The following RPRD2 variants were observed in gnomAD, a reference collection of about 807,000 sequenced individuals.
RPRD2 encodes the protein regulation of nuclear pre-mRNA domain containing 2.
RPRD2 carries 12 observed loss-of-function variants against 104.4 expected under a neutral mutation model. The ratio of observed to expected loss-of-function variants is 0.11; its 90% CI spans 0.07 to 0.19. The LOEUF is 0.19. RPRD2 is among the 10% of genes least tolerant of loss of function. The pLI, the probability that RPRD2 is intolerant of heterozygous loss-of-function variation, is 1.00. For synonymous variants in RPRD2, 714 were observed against 684.9 expected, an observed-to-expected ratio of 1.04 and a Z score of -0.66; for missense variants, 1,543 against 1,790.1, an observed-to-expected ratio of 0.86 and a Z score of 2.49.
intron 1 of RPRD2, among the ~76,000 whole-genome samples, chr1:150,413,285 TAGAAAA>T (rs1360928143): frequency 5.9e-5 from 9 of 151,896 alleles, no homozygotes; most frequent in African/African-American, 9.7e-5. Flanking sequence ...TAGTAACAGA[TAGAAAA>T]AGAGGAAGAT....
At chr1:150,410,022 T>G (rs1167138192) in intron 1 of RPRD2, among the ~76,000 whole-genome samples, 1 of 152,050 alleles carries the variant, frequency 6.6e-6, no homozygotes, top group Non-Finnish European at 1.5e-5. Flanking sequence ...TTAAAGGTGG[T>G]GATTGAACGA....
chr1:150,391,630 G>A (rs186462038), intron 1 of RPRD2, among the ~76,000 whole-genome samples: 58 of 152,342 alleles, frequency 3.8e-4, no homozygotes, highest in African/African-American at 1.3e-3. Flanking sequence ...AGGACAGGCC[G>A]GGATCAGTGG....
chr1:150,379,434 C>T (rs1553880292), intron 1 of RPRD2, among the ~76,000 whole-genome samples: 22 of 150,600 alleles, frequency 1.5e-4, no homozygotes. Context: ...CCGAGTTTTG[C>T]TTTTGTTACC....
chr1:150,393,264 G>A (rs1326979049), intron 1 of RPRD2, among the ~76,000 whole-genome samples: 1 of 151,654 alleles, frequency 6.6e-6, no homozygotes, highest in Non-Finnish European at 1.5e-5. Context: ...GAGCCCAGAA[G>A]TTCAAGACCA....
chr1:150,419,830 G>A (rs1664634978), intron 2 of RPRD2, among the ~76,000 whole-genome samples: 4 of 152,128 alleles, frequency 2.6e-5, no homozygotes, highest in Admixed American at 2.6e-4. Context: ...GTTTCTCCAT[G>A]TTGGTCAGGC....
intron 1 of RPRD2, among the ~76,000 whole-genome samples, chr1:150,394,294 C>CG (rs2102190530): frequency 6.6e-6 from 1 of 152,210 alleles, no homozygotes; most frequent in African/African-American, 2.4e-5. Flanking sequence ...GGGTGATCCG[C>CG]CCGCCTCAGC....
chr1:150,420,970 T>C (rs1664719088), intron 2 of RPRD2, among the ~76,000 whole-genome samples: 1 of 152,248 alleles, frequency 6.6e-6, no homozygotes, highest in African/African-American at 2.4e-5. Flanking sequence ...TTTAGGCTTT[T>C]TGAGCCATAG....
intron 1 of RPRD2, among the ~76,000 whole-genome samples, chr1:150,411,788 C>CAAAAAAAAAAA (rs71086508): frequency 2.8e-5 from 2 of 70,730 alleles, no homozygotes; most frequent in African/African-American, 1.8e-4. Context: ...TAGACTGTCT[C>CAAAAAAAAAAA]AAAAAAAAAA....
In RPRD2 at chr1:150,440,408, T is replaced by G. The variant is rs587641112; in HGVS notation, c.336-515T>G. Among the ~76,000 whole-genome samples the G allele has an allele frequency of 2.0e-5, 3 of 152,326 alleles. No individual in the cohort carries two copies. The South Asian group carries it at 6.2e-4, about 32-fold the overall frequency. On this transcript the variant is annotated intron_variant, in intron 2 of 10. Transcript: ENST00000369068. ...TAGGTAGCCAACTTGAACCTGAAGC[T>G]CATCTGTGAACCAAACAGAATAAAC...
At chr1:150,378,158 T>A (rs587736857) in intron 1 of RPRD2, among the ~76,000 whole-genome samples, 1 of 151,610 alleles carries the variant, frequency 6.6e-6, no homozygotes, top group African/African-American at 2.4e-5. Flanking sequence ...AACATAACAC[T>A]AATAGTTTAG....
intron 1 of RPRD2, among the ~76,000 whole-genome samples, chr1:150,393,469 A>C (rs1168975814): frequency 6.6e-6 from 1 of 151,824 alleles, no homozygotes; most frequent in African/African-American, 2.4e-5. Context: ...AAAAAAAAAA[A>C]AAAAAAAACC....
chr1:150,443,117 T>G, intron 4 of RPRD2, 114 bp from the exon 5 acceptor site: 1 of 653,412 alleles, frequency 1.5e-6, no homozygotes, highest in Non-Finnish European at 2.7e-6. Context: ...ATGACTTAAA[T>G]GTGCATGTTT....
chr1:150,409,931 T>C (rs587642134), intron 1 of RPRD2, among the ~76,000 whole-genome samples: 1 of 152,162 alleles, frequency 6.6e-6, no homozygotes, highest in East Asian at 1.9e-4. Context: ...AGGCGTGAGC[T>C]ACCGCACCTG....
chr1:150,379,053 C>G (rs1660928922), intron 1 of RPRD2, among the ~76,000 whole-genome samples: 1 of 145,692 alleles, frequency 6.9e-6, no homozygotes, highest in Non-Finnish European at 1.5e-5. Flanking sequence ...GAGGCCCGAG[C>G]AGACAGATCA....
intron 9 of RPRD2, among the ~76,000 whole-genome samples, chr1:150,462,898 G>A (rs1553899124): frequency 6.6e-6 from 1 of 151,996 alleles, no homozygotes; most frequent in Non-Finnish European, 1.5e-5. Context: ...CCATCACCCA[G>A]GCTGGAGTGC....
chr1:150,457,927 C>T lies in RPRD2; in HGVS notation c.1153+357C>T, dbSNP rs1184656115. On this transcript the variant is annotated intron_variant, in intron 8 of 10. Transcript: ENST00000369068. ...CTCTACTAAAAATACAAAACTTATC[C>T]GGGTATGGTGGCAGGTACCTGTAAT... 5.3e-5 allele frequency among the ~76,000 whole-genome samples: 8 copies of T among 152,016 alleles called. No homozygotes were observed. The East Asian group carries it at 7.7e-4, about 15-fold the overall frequency.
chr1:150,392,460 G>A lies in RPRD2; in HGVS notation c.206-25136G>A, dbSNP rs372447047. On this transcript the variant is annotated intron_variant, in intron 1 of 10. Coordinates refer to ENST00000369068, the MANE Select transcript of RPRD2 (RefSeq NM_015203.5). Reference sequence around the variant, plus strand: ...GCGAAGGCTGCAGTGAGCTGAGATCGCGCCACTGCACTACAGCCTAGGTGA... The same window carrying A: ...GCGAAGGCTGCAGTGAGCTGAGATCACGCCACTGCACTACAGCCTAGGTGA... 7.2e-5 allele frequency among the ~76,000 whole-genome samples: 11 copies of A among 152,148 alleles called. No individual in the cohort carries two copies. In the East Asian group the frequency reaches 1.7e-3, roughly 24 times the overall value.
chr1:150,410,214 G>C (rs1400027633), intron 1 of RPRD2, among the ~76,000 whole-genome samples: 1 of 152,022 alleles, frequency 6.6e-6, no homozygotes, highest in Non-Finnish European at 1.5e-5. Flanking sequence ...AGATTGTTTA[G>C]GATTTCTAGG....
At chr1:150,393,454 CAAAA>C (rs1203478537) in intron 1 of RPRD2, among the ~76,000 whole-genome samples, 4 of 59,552 alleles carry the variant, frequency 6.7e-5, no homozygotes, top group African/African-American at 1.2e-4. Flanking sequence ...GACCCTGTCT[CAAAA>C]AAAAAAAAAA....
Sources: gnomAD v4.1 joint callset for allele counts (sites outside exome capture counted in the v4.1 genomes callset) on GRCh38, gnomAD v4.1.1 for gene constraint, MANE v1.5 for transcripts, NCBI Gene and HGNC (gene_info 2026-07-23, HGNC 2026-07-21) for gene names.